The following AHNAK2 variants were observed in gnomAD, a reference collection of about 807,000 sequenced individuals.
AHNAK2 encodes the protein AHNAK nucleoprotein 2.
AHNAK2 carries 18 observed loss-of-function variants against 30.7 expected under a neutral mutation model. The observed-to-expected ratio is 0.59, with a 90% confidence interval of 0.41 to 0.87. AHNAK2 has a LOEUF of 0.87. Among genes scored for constraint, AHNAK2 ranks in the 40% least tolerant of loss-of-function variants. The probability of loss-of-function intolerance (pLI) is 0.00; values close to 1 mark genes in which losing one functional copy is unlikely to be tolerated. For synonymous variants in AHNAK2, 3,590 were observed against 3,073.8 expected (o/e 1.17, Z -5.56); for missense variants, 8,604 against 7,373.0 (o/e 1.17, Z -6.11).
In AHNAK2 at chr14:104,966,933, C is replaced by T. The variant is rs1006167353; in HGVS notation, c.56-9261G>A. Among the ~76,000 whole-genome samples, 4 of 152,236 alleles carry T rather than the reference C, an allele frequency of 2.6e-5. No homozygotes were observed. Among genetic ancestry groups the T allele is most frequent in the African/African-American group, 9.6e-5 (4 of 41,470 alleles). On this transcript the variant is annotated intron_variant, in intron 1 of 6. Coordinates refer to ENST00000333244, the MANE Select transcript of AHNAK2 (RefSeq NM_138420.4). The surrounding 1 kb of genome is among the most constrained non-coding windows in gnomAD (Gnocchi z 4.3). ...CCAAGGTGGGTAACATATGTGAAAA[C>T]TGAGGCTGGGGGAGGGGAGCCACTT...
Position 104,950,739 on chromosome 14 carries a change from C to G in AHNAK2, c.4712G>C (p.Gly1571Ala). The change falls in exon 7 of 7, where the codon GGC (glycine) becomes GCC (alanine). Residue 1571 changes from glycine to alanine, a missense_variant. Gly to Ala is a moderately conservative substitution (Grantham distance 60, BLOSUM62 0). Coordinates refer to ENST00000333244, the MANE Select transcript of AHNAK2 (RefSeq NM_138420.4). Reference sequence around the variant, plus strand: ...CACTTTGGGCAGGTGCCCTTTGAGGCCGGCTCCCTCGGACACAGGGCCCTC... The same window carrying G: ...CACTTTGGGCAGGTGCCCTTTGAGGGCGGCTCCCTCGGACACAGGGCCCTC... ...LPEGPVSEGAGLKGHLPKVQM... is the reference protein window; with the variant it reads ...LPEGPVSEGAALKGHLPKVQM... 1 of 1,587,934 alleles carries G rather than the reference C, an allele frequency of 6.3e-7. No homozygotes were observed. The highest frequency in any genetic ancestry group is 1.4e-5 in the African/African-American group (1 of 73,872).
Position 104,950,174 on chromosome 14 carries a change from G to C in AHNAK2, c.5277C>G (p.Pro1759=). 1.3e-6 allele frequency: 2 copies of C among 1,585,950 alleles called. No homozygotes were observed. Among genetic ancestry groups the C allele is most frequent in the African/African-American group, 1.4e-5 (1 of 72,070 alleles). Residue 1759 remains proline (P), a synonymous_variant, in exon 7 of 7, where the codon CCC becomes CCG. Transcript: ENST00000333244. ...LKMPKVALKG[P]QMDVKGPKLD... ...GCTTGGGGCCCTTGACGTCCATCTG[G>C]GGGCCCTTGAGGGCCACTTTGGGCA...
At position 104,939,892 on chromosome 14, in the gene AHNAK2, C is replaced by T. The variant is rs753747926; in HGVS notation, c.15559G>A (p.Glu5187Lys). The change falls in exon 7 of 7, where the codon GAA (glutamate) becomes AAA (lysine). Residue 5187 changes from glutamate to lysine, a missense_variant. By Grantham distance (56) the Glu-to-Lys change is moderately conservative. Transcript: ENST00000333244. ...AACTTGGGCATTTTAAACCAGCTTT[C>T]CTGCGAGTACTTGGTCATGGCTTCC... is the stretch of plus-strand genomic sequence containing the variant. ...EEEAMTKYSQ[E>K]SWFKMPKFRM... 1 of 1,613,496 alleles carries T rather than the reference C, an allele frequency of 6.2e-7. No homozygotes were observed. The highest frequency in any genetic ancestry group is 1.3e-5 in the African/African-American group (1 of 75,060).
At position 104,946,426 on chromosome 14, in the gene AHNAK2, C is replaced by T. The variant is rs1898272301; in HGVS notation, c.9025G>A (p.Glu3009Lys). The change falls in exon 7 of 7, where the codon GAG becomes AAG. Residue 3009 changes from glutamate to lysine, a missense_variant. Glu to Lys is a moderately conservative substitution (Grantham distance 56). Coordinates refer to ENST00000333244, the MANE Select transcript of AHNAK2 (RefSeq NM_138420.4). Reference sequence around the variant, plus strand: ...ATGGAGGGGAGGCTCACTTCGGCCTCCACCTTCGGCGCAGACACATCCACC... The same window carrying T: ...ATGGAGGGGAGGCTCACTTCGGCCTTCACCTTCGGCGCAGACACATCCACC... Reference protein sequence around the residue: ...VSVDVSAPKVEAEVSLPSMQG... With the variant: ...VSVDVSAPKVKAEVSLPSMQG... The T allele has an allele frequency of 1.2e-6, 2 of 1,612,638 alleles. No homozygotes were observed. Among genetic ancestry groups the T allele is most frequent in the Admixed American group, 1.7e-5 (1 of 59,900 alleles).
rs200136053 is a variant in AHNAK2 at position 104,943,384 on chromosome 14, C to G, written c.12067G>C (p.Ala4023Pro). The G allele has an allele frequency of 6.2e-7, 1 of 1,612,880 alleles. No individual in the cohort carries two copies. The highest frequency in any genetic ancestry group is 1.7e-5 in the Admixed American group (1 of 59,954). Residue 4023 changes from alanine (A) to proline (P), a missense_variant, in exon 7 of 7, where the codon GCT (alanine) becomes CCT (proline). Ala to Pro is a conservative substitution (Grantham distance 27, BLOSUM62 -1). Coordinates refer to ENST00000333244, the MANE Select transcript of AHNAK2 (RefSeq NM_138420.4). ...ATDLSVQPPS[A>P]DLEVQAGQVD... ...TGGCCAGCCTGGACCTCCAGGTCAG[C>G]GGAAGGGGGCTGAACGCTGAGGTCA...
Position 104,944,186 on chromosome 14 carries a change from C to G in AHNAK2, c.11265G>C (p.Ala3755=). 1 of 1,612,118 alleles carries G rather than the reference C, an allele frequency of 6.2e-7. No homozygotes were observed. Among genetic ancestry groups the G allele is most frequent in the Non-Finnish European group, 8.5e-7 (1 of 1,179,274 alleles). The change falls in exon 7 of 7, where the codon GCG becomes GCC. Residue 3755 remains alanine (A), a synonymous_variant. Transcript: ENST00000333244. ...CCTCCACATCAGGGGCTGTGACTTC[C>G]GCCTTGGAGACTTTTAGGTCCAGCT... ...GPKLDLKVSK[A]EVTAPDVEVS... is the part of the protein sequence containing the mutation.
In AHNAK2 at chr14:104,939,135, G is replaced by A; in HGVS notation, c.16316C>T (p.Ala5439Val). The change falls in exon 7 of 7, where the codon GCA becomes GTA. Residue 5439 changes from alanine (A) to valine (V), a missense_variant. Ala to Val is a moderately conservative substitution (Grantham distance 64, BLOSUM62 0). Coordinates refer to ENST00000333244, the MANE Select transcript of AHNAK2 (RefSeq NM_138420.4). Reference sequence around the variant, plus strand: ...CTGCTCCCCAGGGACCCCAGCACCTGCCTTCAGGATGCTGGCTCCCCAGAG... The same window carrying A: ...CTGCTCCCCAGGGACCCCAGCACCTACCTTCAGGATGCTGGCTCCCCAGAG... ...PGLWGASILK[A>V]GAGVPGEQPV... 1 of 1,610,352 alleles carries A rather than the reference G, an allele frequency of 6.2e-7. No individual in the cohort carries two copies. The highest frequency in any genetic ancestry group is 1.7e-4 in the Middle Eastern group (1 of 6,056).
At chr14:104,962,631 T>C (rs1899181063) in intron 1 of AHNAK2, among the ~76,000 whole-genome samples, 1 of 152,138 alleles carries the variant, frequency 6.6e-6, no homozygotes, top group African/African-American at 2.4e-5. Flanking sequence ...AGATGGGGTT[T>C]CACCATGTTG....
chr14:104,969,962 A>T (rs1291221164), intron 1 of AHNAK2, among the ~76,000 whole-genome samples: 2 of 151,432 alleles, frequency 1.3e-5, no homozygotes, highest in African/African-American at 2.4e-5. Context: ...GGAAGCAACC[A>T]CCCTCCACAG....
At position 104,951,838 on chromosome 14, in the gene AHNAK2, C is replaced by A. The variant is rs1898734251; in HGVS notation, c.3613G>T (p.Asp1205Tyr). ...ADVSLPSMQG[D>Y]LKTTDLSIQP... ...ATGCTGAGGTCAGTGGTCTTGAGGTCCCCCTGCATGGAGGGGAGACTCACG... is the reference window on the plus strand; with the variant it reads ...ATGCTGAGGTCAGTGGTCTTGAGGTACCCCTGCATGGAGGGGAGACTCACG... Residue 1205 changes from aspartate to tyrosine, a missense_variant, in exon 7 of 7, where the codon GAC (aspartate) becomes TAC (tyrosine). Physicochemically the swap from Asp to Tyr is radical, Grantham distance 160. Coordinates refer to ENST00000333244, the MANE Select transcript of AHNAK2 (RefSeq NM_138420.4). The A allele has an allele frequency of 3.1e-6, 5 of 1,601,474 alleles. No homozygotes were observed. The highest frequency in any genetic ancestry group is 4.3e-6 in the Non-Finnish European group (5 of 1,173,484).
In AHNAK2 at chr14:104,946,151, G is replaced by A. The variant is rs768260955; in HGVS notation, c.9300C>T (p.Pro3100=). 1.7e-4 allele frequency: 278 copies of A among 1,611,748 alleles called. 2 individuals are homozygous for A. The highest frequency in any genetic ancestry group is 1.5e-4 in the Non-Finnish European group (180 of 1,179,342). The change falls in exon 7 of 7, where the codon CCC becomes CCT. Residue 3100 remains proline, a synonymous_variant. Transcript: ENST00000333244. ...LKGPKTDVTA[P]DVEVSQPGME... ...TGCCGGGCTGAGACACCTCCACGTC[G>A]GGGGCCGTCACGTCCGTCTTCGGGC... is the stretch of plus-strand genomic sequence containing the variant.
Position 104,974,173 on chromosome 14 carries a change from G to A in AHNAK2, c.55+4010C>T, listed in dbSNP as rs150554841. Among the ~76,000 whole-genome samples, 346 of 152,374 alleles carry A rather than the reference G, an allele frequency of 2.3e-3. 1 individual carries two copies. The highest frequency in any genetic ancestry group is 3.5e-3 in the Non-Finnish European group (238 of 68,032). On this transcript the variant is annotated intron_variant, in intron 1 of 6. Transcript: ENST00000333244. ...GCCTGGTGGAGACACCCTCAAGCTC[G>A]CAGCGTGGCTGGGGATCCCGTCACC...
rs936865044 is a variant in AHNAK2, at chr14:104,955,126, C to T, written c.482G>A (p.Ser161Asn). The change falls in exon 6 of 7, where the codon AGT becomes AAT. Residue 161 changes from serine (S) to asparagine (N), a missense_variant. Physicochemically the swap from Ser to Asn is conservative, Grantham distance 46 (BLOSUM62 1). Coordinates refer to ENST00000333244, the MANE Select transcript of AHNAK2 (RefSeq NM_138420.4). ...FNLREGDQLL[S>N]TTVFFENIKY... ...TATGTTTTCAAAGAACACGGTTGTA[C>T]TGAGCAGCTGATCCCCTAGACCAAG... 5 of 1,609,254 alleles carry T rather than the reference C, an allele frequency of 3.1e-6. No homozygotes were observed. In the Admixed American group the frequency reaches 5.0e-5, roughly 16 times the overall value.
In AHNAK2 at chr14:104,938,276, T is replaced by G. The variant is rs370905338; in HGVS notation, c.17175A>C (p.Lys5725Asn). The G allele has an allele frequency of 6.2e-7, 1 of 1,613,762 alleles. No individual in the cohort carries two copies. Among genetic ancestry groups the G allele is most frequent in the Non-Finnish European group, 8.5e-7 (1 of 1,179,848 alleles). The change falls in exon 7 of 7, where the codon AAA becomes AAC. Residue 5725 changes from lysine to asparagine, a missense_variant. Transcript: ENST00000333244. ...AAAACGTGATTGTTTCTTCTTGAAG[T>G]TTTTGTTCTTCCAGCTCTGCCCCAT... ...TEDGAELEEQ[K>N]LQEETITFFD... is the part of the protein sequence containing the mutation.
At position 104,953,084 on chromosome 14, in the gene AHNAK2, G is replaced by A; in HGVS notation, c.2367C>T (p.Ala789=). ...TGGACAGAGACATCTTCACATCGGGGGCTGTCACTTCCGCCTTGGGGCCTT... is the reference window on the plus strand; with the variant it reads ...TGGACAGAGACATCTTCACATCGGGAGCTGTCACTTCCGCCTTGGGGCCTT... ...DLKGPKAEVT[A]PDVKMSLSSM... is the part of the protein sequence containing the mutation. The change falls in exon 7 of 7, where the codon GCC becomes GCT. Residue 789 remains alanine, a synonymous_variant. Coordinates refer to ENST00000333244, the MANE Select transcript of AHNAK2 (RefSeq NM_138420.4). 1 of 1,613,156 alleles carries A rather than the reference G, an allele frequency of 6.2e-7. No homozygotes were observed. Among genetic ancestry groups the A allele is most frequent in the Non-Finnish European group, 8.5e-7 (1 of 1,179,696 alleles).
In AHNAK2 at chr14:104,950,255, G is replaced by A. The variant is rs201495806; in HGVS notation, c.5196C>T (p.Pro1732=). 567 of 1,585,408 alleles carry A rather than the reference G, an allele frequency of 3.6e-4. 60 individuals carry two copies. The highest frequency in any genetic ancestry group is 4.2e-4 in the Non-Finnish European group (486 of 1,162,752). ...GGTGCCCTTTGAAGCCGGCTCCCTC[G>A]GGAAGGGGGCCCTCCGGGAGTTTCA... ...VNVKLPEGPL[P]EGAGFKGHLP... Residue 1732 remains proline, a synonymous_variant, in exon 7 of 7, where the codon CCC becomes CCT. Coordinates refer to ENST00000333244, the MANE Select transcript of AHNAK2 (RefSeq NM_138420.4).
intron 1 of AHNAK2, chr14:104,970,531 G>A (rs183960737): frequency 7.9e-4 from 774 of 985,444 alleles, no homozygotes; most frequent in Admixed American, 2.1e-3. Flanking sequence ...TGCCACGCCC[G>A]GTTCTTCCCT....
rs1899308016 is a variant in AHNAK2 at position 104,966,594 on chromosome 14, C to T, written c.56-8922G>A. Reference sequence around the variant, plus strand: ...TGGCCAGCCCCACCGCTCTGCCTCCCAGATGGCTGCCAAACCCTCCACTCC... The same window carrying T: ...TGGCCAGCCCCACCGCTCTGCCTCCTAGATGGCTGCCAAACCCTCCACTCC... On this transcript the variant is annotated intron_variant, in intron 1 of 6. Transcript: ENST00000333244. This position sits in a 1 kb window ranked among gnomAD's most constrained non-coding sequence, Gnocchi z 4.3. 6.6e-6 allele frequency among the ~76,000 whole-genome samples: 1 copy of T among 152,120 alleles called. No individual in the cohort carries two copies. Among genetic ancestry groups the T allele is most frequent in the Non-Finnish European group, 1.5e-5 (1 of 68,002 alleles).
At chr14:104,973,577 G>A (rs558285982) in intron 1 of AHNAK2, among the ~76,000 whole-genome samples, 7 of 152,272 alleles carry the variant, frequency 4.6e-5, no homozygotes, top group South Asian at 4.1e-4. Flanking sequence ...GGGCTCACAC[G>A]GACATAGCCC....
Sources: gnomAD v4.1 joint callset for allele counts (sites outside exome capture counted in the v4.1 genomes callset) on GRCh38, gnomAD v4.1.1 for gene constraint, Gnocchi (gnomAD v3.1) non-coding constraint, MANE v1.5 for transcripts, NCBI Gene and HGNC (gene_info 2026-07-23, HGNC 2026-07-21) for gene names.